SMIM15: variants seen among roughly 807,000 people sequenced by gnomAD.
The protein encoded by SMIM15 is small integral membrane protein 15.
In SMIM15, 5 loss-of-function variants were observed where a neutral mutation model predicts 6.8. That is an observed-to-expected ratio of 0.74 (90% confidence interval 0.39 to 1.56). SMIM15 has a LOEUF of 1.56. Among genes scored for constraint, SMIM15 ranks in the 40% most tolerant of loss-of-function variants. The probability of loss-of-function intolerance (pLI) is 0.03; values close to 1 mark genes in which losing one functional copy is unlikely to be tolerated. For missense variants in SMIM15, 81 were observed against 84.8 expected (o/e 0.96, Z 0.18); for synonymous variants, 30 against 30.8 (o/e 0.97, Z 0.09).
chr5:61,160,348 A>G (rs1457595875), intron 2 of SMIM15, 149 bp from the exon 3 acceptor site: 1 of 627,974 alleles, frequency 1.6e-6, no homozygotes, highest in Non-Finnish European at 2.8e-6. Context: ...ACAACTTAGT[A>G]CTATTGTAAT....
Position 61,158,631 on chromosome 5 carries a change from T to G in SMIM15, c.*1316A>C, listed in dbSNP as rs1420500653. 1 of 152,064 alleles carries G rather than the reference T, an allele frequency of 6.6e-6. No homozygotes were observed. Among genetic ancestry groups the G allele is most frequent in the East Asian group, 1.9e-4 (1 of 5,200 alleles). The allele number at this position is 152,064 out of a possible 1,614,324, so 9.4% of individuals were successfully genotyped here. A position where few individuals can be genotyped will look rare whatever the true frequency, so the allele number is the denominator to read the frequency against. On this transcript the variant is annotated 3_prime_UTR_variant, in exon 3 of 3. Coordinates refer to ENST00000339020, the MANE Select transcript of SMIM15 (RefSeq NM_001048249.4). ...TAAAAAATTATCAAATTTATTTTAA[T>G]GTCTAGTTTCATTTTTAAACTGTAG... is the stretch of plus-strand genomic sequence containing the variant.
chr5:61,159,905 T>A lies in SMIM15; in HGVS notation c.*42A>T, dbSNP rs769385562. ...TGGATTCTTCCAAAGCTGTGTAATTTTCCAAATGATTTTCCTCTGGTTGCA... is the reference window on the plus strand; with the variant it reads ...TGGATTCTTCCAAAGCTGTGTAATTATCCAAATGATTTTCCTCTGGTTGCA... On this transcript the variant is annotated 3_prime_UTR_variant, in exon 3 of 3. Coordinates refer to ENST00000339020, the MANE Select transcript of SMIM15 (RefSeq NM_001048249.4). The A allele has an allele frequency of 1.2e-6, 2 of 1,601,134 alleles. No homozygotes were observed. Among genetic ancestry groups the A allele is most frequent in the South Asian group, 1.1e-5 (1 of 90,554 alleles).
At chr5:61,160,245 A>T in intron 2 of SMIM15, 46 bp from the exon 3 acceptor site, 3 of 1,403,998 alleles carry the variant, frequency 2.1e-6, no homozygotes, top group Non-Finnish European at 2.9e-6. Flanking sequence ...ACAGGAGAAA[A>T]GACTATGTGG....
At position 61,162,338 on chromosome 5, in the gene SMIM15, C is replaced by T. The variant is rs1291211123; in HGVS notation, c.-290G>A. 6.5e-6 allele frequency: 1 copy of T among 152,706 alleles called. No individual in the cohort carries two copies. Among genetic ancestry groups the T allele is most frequent in the Admixed American group, 6.5e-5 (1 of 15,290 alleles). 9.5% of individuals were successfully genotyped at this position (152,706 alleles called of 1,614,324 possible). A position where few individuals can be genotyped will look rare whatever the true frequency, so the allele number is the denominator to read the frequency against. The stretch of plus-strand genomic sequence containing the variant: ...GAGATCCTGGGTTGGCCCAGCCACA[C>T]CTTGCGCCGCCGCCGTTTCTGCTGG... On this transcript the variant is annotated 5_prime_UTR_variant, in exon 1 of 3. It adds an upstream start codon to the 5' untranslated region. Coordinates refer to ENST00000339020, the MANE Select transcript of SMIM15 (RefSeq NM_001048249.4). The surrounding 1 kb of genome is among the most constrained non-coding windows in gnomAD (Gnocchi z 4.4).
In SMIM15 at chr5:61,159,794, G is replaced by A. The variant is rs1446303547; in HGVS notation, c.*153C>T. 4 of 797,854 alleles carry A rather than the reference G, an allele frequency of 5.0e-6. No homozygotes were observed. Among genetic ancestry groups the A allele is most frequent in the Non-Finnish European group, 7.8e-6 (4 of 513,094 alleles). The allele number at this position is 797,854 out of a possible 1,614,324, so 49.4% of individuals were successfully genotyped here. Reference sequence around the variant, plus strand: ...CACGCCTAAAAGTTACTATAGTATTGAGGTCAGAACTAACATGATTCTTCC... The same window carrying A: ...CACGCCTAAAAGTTACTATAGTATTAAGGTCAGAACTAACATGATTCTTCC... On this transcript the variant is annotated 3_prime_UTR_variant, in exon 3 of 3. Coordinates refer to ENST00000339020, the MANE Select transcript of SMIM15 (RefSeq NM_001048249.4).
intron 2 of SMIM15, 82 bp from the exon 3 acceptor site, chr5:61,160,281 T>C: frequency 1.0e-6 from 1 of 979,456 alleles, no homozygotes. Flanking sequence ...AAAAGTTTCC[T>C]CACACAACCA....
At chr5:61,161,757 G>C (rs1473280332) in intron 1 of SMIM15, among the ~76,000 whole-genome samples, 1 of 152,062 alleles carries the variant, frequency 6.6e-6, no homozygotes, top group Admixed American at 6.6e-5. Context: ...AGAAAACTGT[G>C]ACTAGTTTTA....
chr5:61,160,528 A>C (rs1741395701), intron 2 of SMIM15, among the ~76,000 whole-genome samples: 1 of 152,230 alleles, frequency 6.6e-6, no homozygotes, highest in Non-Finnish European at 1.5e-5. Flanking sequence ...ATTTAGGAGG[A>C]GGCTTTTATA....
At chr5:61,161,542 G>A (rs1741416740) in intron 1 of SMIM15, among the ~76,000 whole-genome samples, 2 of 152,062 alleles carry the variant, frequency 1.3e-5, no homozygotes, top group African/African-American at 4.8e-5. Context: ...CAGCGTATCC[G>A]TTCCTAGATT....
Position 61,160,073 on chromosome 5 carries a change from C to A in SMIM15, c.99G>T (p.Leu33=). The A allele has an allele frequency of 6.2e-7, 1 of 1,614,156 alleles. No homozygotes were observed. The highest frequency in any genetic ancestry group is 8.5e-7 in the Non-Finnish European group (1 of 1,180,008). Residue 33 remains leucine, a synonymous_variant, in exon 3 of 3, where the codon CTG becomes CTT. Transcript: ENST00000339020. ...LTTVILALTP[L]FLASAVLSWK... is the part of the protein sequence containing the mutation. ...AAGACAGTACAGCACTTGCTAGGAA[C>A]AGTGGAGTAAGGGCCAAAATAACGG...
In SMIM15 at chr5:61,158,141, T is replaced by C. The variant is rs542692658; in HGVS notation, c.*1806A>G. ...GGCATGTGTTAAGACTAATAAATTA[T>C]AGAAAAACAGACCTTTAAATACCTT... On this transcript the variant is annotated 3_prime_UTR_variant, in exon 3 of 3. Coordinates refer to ENST00000339020, the MANE Select transcript of SMIM15 (RefSeq NM_001048249.4). 1 of 152,202 alleles carries C rather than the reference T, an allele frequency of 6.6e-6. No homozygotes were observed. The highest frequency in any genetic ancestry group is 6.5e-5 in the Admixed American group (1 of 15,292). The allele number at this position is 152,202 out of a possible 1,614,324, so 9.4% of individuals were successfully genotyped here.
intron 1 of SMIM15, 21 bp from the exon 2 acceptor site, chr5:61,161,248 AAAT>A (rs1366884573): frequency 2.0e-5 from 3 of 152,226 alleles, no homozygotes; most frequent in African/African-American, 7.2e-5. Context: ...AGAATACAAA[AAAT>A]AAAACAAAAT....
rs1237481778 is a variant in SMIM15, at chr5:61,159,809, A to G, written c.*138T>C. 5.1e-6 allele frequency: 5 copies of G among 971,810 alleles called. No individual in the cohort carries two copies. The East Asian group carries it at 1.3e-4, about 25-fold the overall frequency. The allele number at this position is 971,810 out of a possible 1,614,324, so 60.2% of individuals were successfully genotyped here. Reference sequence around the variant, plus strand: ...CTATAGTATTGAGGTCAGAACTAACATGATTCTTCCATTTGGTCAAATTTC... The same window carrying G: ...CTATAGTATTGAGGTCAGAACTAACGTGATTCTTCCATTTGGTCAAATTTC... On this transcript the variant is annotated 3_prime_UTR_variant, in exon 3 of 3. Coordinates refer to ENST00000339020, the MANE Select transcript of SMIM15 (RefSeq NM_001048249.4).
intron 1 of SMIM15, 120 bp from the exon 2 acceptor site, chr5:61,161,347 A>G (rs943172978): frequency 3.3e-5 from 5 of 152,226 alleles, no homozygotes; most frequent in Non-Finnish European, 7.3e-5. Flanking sequence ...TGACATCTAA[A>G]ATTGCCTATC....
chr5:61,160,233 A>T, intron 2 of SMIM15, 34 bp from the exon 3 acceptor site: 1 of 1,481,542 alleles, frequency 6.7e-7, no homozygotes, highest in Non-Finnish European at 9.2e-7. Context: ...CAGAGGAAAA[A>T]AACAGGAGAA....
chr5:61,161,332 C>T (rs892767353), intron 1 of SMIM15, 105 bp from the exon 2 acceptor site: 1 of 152,076 alleles, frequency 6.6e-6, no homozygotes, highest in African/African-American at 2.4e-5. Flanking sequence ...TATATGCAAC[C>T]TATATGACAT....
rs56157913 is a variant in SMIM15, at chr5:61,157,990, T to TACACACACACACACACACACACAC, written c.*1933_*1956dup. The stretch of plus-strand genomic sequence containing the variant: ...CAATATTCTCTATACTCCAGCCCCT[T>TACACACACACACACACACACACAC]ACACACACACACACACACACACACA... On this transcript the variant is annotated 3_prime_UTR_variant, in exon 3 of 3. Transcript: ENST00000339020. The TACACACACACACACACACACACAC allele has an allele frequency of 5.0e-5, 7 of 139,576 alleles. No homozygotes were observed. The South Asian group carries it at 9.8e-4, about 20-fold the overall frequency. 8.6% of individuals were successfully genotyped at this position (139,576 alleles called of 1,614,324 possible). A position where few individuals can be genotyped will look rare whatever the true frequency, so the allele number is the denominator to read the frequency against.
Position 61,159,227 on chromosome 5 carries a change from CT to C in SMIM15, c.*719del, listed in dbSNP as rs753312568. 1.3e-5 allele frequency: 2 copies of C among 152,694 alleles called. No individual in the cohort carries two copies. The highest frequency in any genetic ancestry group is 2.9e-5 in the Non-Finnish European group (2 of 68,110). The allele number at this position is 152,694 out of a possible 1,614,324, so 9.5% of individuals were successfully genotyped here. A position where few individuals can be genotyped will look rare whatever the true frequency, so the allele number is the denominator to read the frequency against. The stretch of plus-strand genomic sequence containing the variant: ...CAAGCTTTAAACCATAGTGTTACTC[CT>C]CTCAAGCCATCTCTAAGAAAATGGC... On this transcript the variant is annotated 3_prime_UTR_variant, in exon 3 of 3. Transcript: ENST00000339020.
chr5:61,162,242 G>A lies in SMIM15; in HGVS notation c.-194C>T, dbSNP rs1741435115. 1 of 152,600 alleles carries A rather than the reference G, an allele frequency of 6.6e-6. No homozygotes were observed. The highest frequency in any genetic ancestry group is 1.5e-5 in the Non-Finnish European group (1 of 68,358). 9.5% of individuals were successfully genotyped at this position (152,600 alleles called of 1,614,324 possible). A position where few individuals can be genotyped will look rare whatever the true frequency, so the allele number is the denominator to read the frequency against. On this transcript the variant is annotated 5_prime_UTR_variant, in exon 1 of 3. Transcript: ENST00000339020. This position sits in a 1 kb window ranked among gnomAD's most constrained non-coding sequence, Gnocchi z 4.4. ...CCTATCGGGGCTGCAGACCCACGGA[G>A]GCCACGTTCACTCCTGCCCGTCGGC...
Sources: gnomAD v4.1 joint callset for allele counts (sites outside exome capture counted in the v4.1 genomes callset) on GRCh38, gnomAD v4.1.1 for gene constraint, Gnocchi (gnomAD v3.1) non-coding constraint, MANE v1.5 for transcripts, NCBI Gene and HGNC (gene_info 2026-07-23, HGNC 2026-07-21) for gene names.